Variants in RAD51C observed in about 807,000 individuals in gnomAD.
RAD51C encodes the protein DNA repair protein RAD51 homolog 3.
Under a neutral mutation model 45.0 loss-of-function variants are expected in RAD51C, and 42 were observed. The ratio of observed to expected loss-of-function variants is 0.93; its 90% CI spans 0.73 to 1.21. The LOEUF (loss-of-function observed/expected upper bound fraction) is 1.21. Among genes scored for constraint, RAD51C ranks in the 50% most tolerant of loss-of-function variants. The pLI, the probability that RAD51C is intolerant of heterozygous loss-of-function variation, is 0.00. For synonymous variants in RAD51C, 172 were observed against 159.8 expected (o/e 1.08, Z -0.58); for missense variants, 474 against 452.2 (o/e 1.05, Z -0.44).
chr17:58,710,124 T>C, intron 5 of RAD51C, 134 bp downstream of exon 5: 1 of 1,026,188 alleles, frequency 9.7e-7, no homozygotes, highest in African/African-American at 1.6e-5. Flanking sequence ...TTACGTTTGG[T>C]TGGTTTCCAT....
chr17:58,714,936 G>A (rs1816037945), intron 5 of RAD51C, among the ~76,000 whole-genome samples: 1 of 151,990 alleles, frequency 6.6e-6, no homozygotes, highest in African/African-American at 2.4e-5. Flanking sequence ...CATCACCACT[G>A]TATAATTTTA....
intron 4 of RAD51C, among the ~76,000 whole-genome samples, chr17:58,708,820 G>C (rs1185309548): frequency 3.3e-5 from 5 of 151,658 alleles, no homozygotes; most frequent in Non-Finnish European, 7.4e-5. Context: ...CACCTGCTTC[G>C]GCCTCCCAAA....
At chr17:58,732,681 T>A in intron 8 of RAD51C, 137 bp downstream of exon 8, 1 of 804,142 alleles carries the variant, frequency 1.2e-6, no homozygotes, top group South Asian at 1.4e-5. Context: ...CTTAGAACAT[T>A]GTCCCCAAAA....
At position 58,703,220 on chromosome 17, in the gene RAD51C, T is replaced by C; in HGVS notation, c.596T>C (p.Phe199Ser). 6.2e-7 allele frequency: 1 copy of C among 1,611,056 alleles called. No individual in the cohort carries two copies. The highest frequency in any genetic ancestry group is 8.5e-7 in the Non-Finnish European group (1 of 1,177,344). The change falls in exon 4 of 9, where the codon TTC becomes TCC. Residue 199 changes from phenylalanine (F) to serine (S), a missense_variant. By Grantham distance (155) the Phe-to-Ser change is radical. Transcript: ENST00000337432. ...GAACACCGAAAAGCTTTGGAGGATT[T>C]CACTCTTGATAATATTCTTTCTCAT... ...GEEHRKALED[F>S]TLDNILSHIY...
intron 1 of RAD51C, chr17:58,693,800 C>T (rs1229455928): frequency 6.6e-6 from 1 of 152,140 alleles, no homozygotes; most frequent in East Asian, 1.9e-4. Flanking sequence ...GTAACTTGCC[C>T]AAAGTCATGC....
At chr17:58,709,155 C>T (rs1157572622) in intron 4 of RAD51C, among the ~76,000 whole-genome samples, 1 of 143,284 alleles carries the variant, frequency 7.0e-6, no homozygotes, top group Non-Finnish European at 1.5e-5. Context: ...AGTACAGTGG[C>T]GCAACCTCTG....
At chr17:58,717,140 C>T (rs1318069050) in intron 5 of RAD51C, among the ~76,000 whole-genome samples, 2 of 151,554 alleles carry the variant, frequency 1.3e-5, no homozygotes, top group Non-Finnish European at 2.9e-5. Context: ...GGCACAGTGG[C>T]TCATGCCTAT....
At chr17:58,718,844 C>T (rs1208491554) in intron 5 of RAD51C, among the ~76,000 whole-genome samples, 1 of 151,990 alleles carries the variant, frequency 6.6e-6, no homozygotes, top group Non-Finnish European at 1.5e-5. Context: ...TTGCTTCCTT[C>T]TTAAAAGTAT....
At chr17:58,693,019 C>G (rs2143688985) in intron 1 of RAD51C, 1 of 578,452 alleles carries the variant, frequency 1.7e-6, no homozygotes, top group Non-Finnish European at 3.0e-6. Flanking sequence ...GCAATGCCTG[C>G]TGAATGCTTT....
chr17:58,733,460 T>C (rs1662287768), intron 8 of RAD51C, among the ~76,000 whole-genome samples: 1 of 152,252 alleles, frequency 6.6e-6, no homozygotes, highest in Non-Finnish European at 1.5e-5. Context: ...TGGAAAACTT[T>C]AGAGTATTTA....
intron 4 of RAD51C, among the ~76,000 whole-genome samples, chr17:58,703,646 C>T (rs762155441): frequency 3.3e-5 from 5 of 152,100 alleles, no homozygotes; most frequent in Non-Finnish European, 7.4e-5. Context: ...CTACTGTTTT[C>T]TAGTGCCTCT....
intron 3 of RAD51C, among the ~76,000 whole-genome samples, chr17:58,697,505 C>G (rs1439245878): frequency 7.3e-6 from 1 of 137,006 alleles, no homozygotes; most frequent in Non-Finnish European, 1.5e-5. Context: ...CACTGCACTC[C>G]AGCCTAGGCA....
rs748589580 is a variant in RAD51C at position 58,692,828 on chromosome 17, C to T, written c.145+40C>T. 1.9e-6 allele frequency: 3 copies of T among 1,613,800 alleles called. No homozygotes were observed. In the East Asian group the frequency reaches 6.7e-5, roughly 36 times the overall value. On this transcript the variant is annotated intron_variant, in intron 1 of 8. Transcript: ENST00000337432. ...TGGCAAGCTGAGGCACACCGGCCGCCGTCAGCGCCGCCTCAGTCTTCGTTC... is the reference window on the plus strand; with the variant it reads ...TGGCAAGCTGAGGCACACCGGCCGCTGTCAGCGCCGCCTCAGTCTTCGTTC...
chr17:58,732,457 A>T (rs369039718), intron 7 of RAD51C, 27 bp from the exon 8 acceptor site: 1 of 1,590,894 alleles, frequency 6.3e-7, no homozygotes, highest in Non-Finnish European at 8.6e-7. Context: ...ATGTGTTTGT[A>T]TGTATTTATT....
In RAD51C at chr17:58,734,994, C is replaced by T. The variant is rs988607657; in HGVS notation, c.*772C>T. The T allele has an allele frequency of 6.6e-6, 1 of 152,036 alleles. No homozygotes were observed. The highest frequency in any genetic ancestry group is 1.5e-5 in the Non-Finnish European group (1 of 68,012). The allele number at this position is 152,036 out of a possible 1,614,324, so 9.4% of individuals were successfully genotyped here. ...CCATGAGTCAGCATATTATTCTGTT[C>T]AGTTTTATAGGTAAGATACAAATTT... On this transcript the variant is annotated 3_prime_UTR_variant, in exon 9 of 9. Coordinates refer to ENST00000337432, the MANE Select transcript of RAD51C (RefSeq NM_058216.3).
rs542352101 is a variant in RAD51C at position 58,697,871 on chromosome 17, C to T, written c.571+1012C>T. Among the ~76,000 whole-genome samples the T allele has an allele frequency of 2.0e-3, 309 of 151,982 alleles. 2 individuals are homozygous for T. The highest frequency in any genetic ancestry group is 2.9e-3 in the Non-Finnish European group (197 of 67,986). Reference sequence around the variant, plus strand: ...GGAATTACAGGCATGTGCCACCACGCCCAGTTAATTTTGTATTTTTAGTAC... The same window carrying T: ...GGAATTACAGGCATGTGCCACCACGTCCAGTTAATTTTGTATTTTTAGTAC... On this transcript the variant is annotated intron_variant, in intron 3 of 8. Transcript: ENST00000337432.
At chr17:58,701,292 A>T (rs1290534209) in intron 3 of RAD51C, among the ~76,000 whole-genome samples, 1 of 151,886 alleles carries the variant, frequency 6.6e-6, no homozygotes, top group Non-Finnish European at 1.5e-5. Flanking sequence ...GCAGATCACG[A>T]GGTCAGGAGA....
intron 5 of RAD51C, among the ~76,000 whole-genome samples, chr17:58,716,570 C>G (rs1207431317): frequency 7.3e-5 from 11 of 150,924 alleles, no homozygotes; most frequent in African/African-American, 2.7e-4. Flanking sequence ...TCACGCCATT[C>G]TCCTCCCTCA....
rs565255432 is a variant in RAD51C at position 58,700,449 on chromosome 17, A to T, written c.572-2747A>T. Reference sequence around the variant, plus strand: ...GTTTTTATTTTTATTTTAATTAATTAATTTATTTTTTAAGATGGGGTCTCA... The same window carrying T: ...GTTTTTATTTTTATTTTAATTAATTTATTTATTTTTTAAGATGGGGTCTCA... On this transcript the variant is annotated intron_variant, in intron 3 of 8. Transcript: ENST00000337432. 5.3e-5 allele frequency among the ~76,000 whole-genome samples: 8 copies of T among 151,950 alleles called. No individual in the cohort carries two copies. The South Asian group carries it at 6.2e-4, about 12-fold the overall frequency.
Sources: gnomAD v4.1 joint callset for allele counts (sites outside exome capture counted in the v4.1 genomes callset) on GRCh38, gnomAD v4.1.1 for gene constraint, MANE v1.5 for transcripts, NCBI Gene and HGNC (gene_info 2026-07-23, HGNC 2026-07-21) for gene names.